Variants in CNTNAP2 observed in about 807,000 individuals in gnomAD.
The protein encoded by CNTNAP2 is contactin-associated protein-like 2.
Under a neutral mutation model 155.2 loss-of-function variants are expected in CNTNAP2, and 98 were observed. The ratio of observed to expected loss-of-function variants is 0.63; its 90% confidence interval spans 0.54 to 0.75. CNTNAP2 has a LOEUF of 0.75. Among genes scored for constraint, CNTNAP2 ranks in the 30% least tolerant of loss-of-function variants. CNTNAP2 has a pLI of 0.00. For missense variants in CNTNAP2, 1,727 were observed against 1,688.1 expected (o/e 1.02, Z -0.40); for synonymous variants, 651 against 631.2 (o/e 1.03, Z -0.47).
intron 1 of CNTNAP2, among the ~76,000 whole-genome samples, chr7:146,663,371 AT>A (rs971306474): frequency 2.7e-4 from 40 of 147,788 alleles, no homozygotes; most frequent in South Asian, 1.1e-3. Flanking sequence ...TCACTTTCTC[AT>A]TTTTTTTTTA....
chr7:146,554,225 T>C (rs1798163383), intron 1 of CNTNAP2, among the ~76,000 whole-genome samples: 1 of 152,178 alleles, frequency 6.6e-6, no homozygotes, highest in Admixed American at 6.5e-5. Flanking sequence ...TGCTTTAACT[T>C]GAACTAGTGA....
At chr7:146,249,304 T>A (rs1365082150) in intron 1 of CNTNAP2, among the ~76,000 whole-genome samples, 1 of 152,206 alleles carries the variant, frequency 6.6e-6, no homozygotes, top group African/African-American at 2.4e-5. Context: ...TCTAGAAATC[T>A]TCATGTTATC....
chr7:146,674,816 G>C (rs919041391), intron 1 of CNTNAP2, among the ~76,000 whole-genome samples: 3 of 152,088 alleles, frequency 2.0e-5, no homozygotes, highest in Admixed American at 6.5e-5. Context: ...AGTAAATAAG[G>C]GCTATTTAGT....
At chr7:147,718,040 T>G (rs145357003) in intron 13 of CNTNAP2, among the ~76,000 whole-genome samples, 2,490 of 152,158 alleles carry the variant, frequency 0.016, 223 homozygotes, top group Admixed American at 0.15. Flanking sequence ...CTCCTTGAAA[T>G]CAAGGATAAA....
chr7:147,675,202 C>T (rs1400498512), intron 13 of CNTNAP2, among the ~76,000 whole-genome samples: 1 of 152,072 alleles, frequency 6.6e-6, no homozygotes, highest in East Asian at 1.9e-4. Context: ...TCCGTCTTCA[C>T]AAGGCCTTCC....
intron 2 of CNTNAP2, among the ~76,000 whole-genome samples, chr7:146,835,694 C>T (rs1026738579): frequency 2.0e-5 from 3 of 152,102 alleles, no homozygotes; most frequent in African/African-American, 7.2e-5. Context: ...AGAGGTACTG[C>T]AGACTAGAAT....
chr7:148,079,003 G>A (rs1803547910), intron 15 of CNTNAP2, among the ~76,000 whole-genome samples: 1 of 152,160 alleles, frequency 6.6e-6, no homozygotes, highest in Admixed American at 6.5e-5. Flanking sequence ...ATTGAATGGT[G>A]GTGTCTACAT....
intron 8 of CNTNAP2, among the ~76,000 whole-genome samples, chr7:147,154,604 A>G (rs933012838): frequency 6.6e-6 from 1 of 152,148 alleles, no homozygotes; most frequent in Non-Finnish European, 1.5e-5. Context: ...AGTCTGTCCT[A>G]TTTCTCAGGA....
At chr7:146,649,537 C>T (rs1799870347) in intron 1 of CNTNAP2, among the ~76,000 whole-genome samples, 1 of 152,062 alleles carries the variant, frequency 6.6e-6, no homozygotes, top group Non-Finnish European at 1.5e-5. Context: ...TGTGATTTTT[C>T]CCCTCAGTGG....
intron 6 of CNTNAP2, chr7:147,121,710 T>C (rs1182716048): frequency 6.6e-6 from 1 of 152,604 alleles, no homozygotes; most frequent in Non-Finnish European, 1.5e-5. Context: ...AAAAGACATA[T>C]ATTACCTTCT....
At chr7:148,240,212 G>C (rs977206252) in intron 20 of CNTNAP2, among the ~76,000 whole-genome samples, 15 of 152,128 alleles carry the variant, frequency 9.9e-5, no homozygotes, top group African/African-American at 3.6e-4. Flanking sequence ...TGATGAGTTG[G>C]TGGAACAGTA....
intron 1 of CNTNAP2, among the ~76,000 whole-genome samples, chr7:146,403,092 G>A (rs1238285785): frequency 6.6e-6 from 1 of 152,072 alleles, no homozygotes; most frequent in African/African-American, 2.4e-5. Context: ...ACTCAAACTT[G>A]TCATATTCAC....
At chr7:147,613,087 C>A in intron 12 of CNTNAP2, among the ~76,000 whole-genome samples, 1 of 151,848 alleles carries the variant, frequency 6.6e-6, no homozygotes, top group East Asian at 1.9e-4. Context: ...CTTTTTATTC[C>A]AAATTATTTT....
chr7:147,400,738 C>G (rs1356473523), intron 10 of CNTNAP2, among the ~76,000 whole-genome samples: 5 of 152,212 alleles, frequency 3.3e-5, no homozygotes, highest in Admixed American at 2.0e-4. Flanking sequence ...ACAGTTGCCC[C>G]TCTTGCTCTC....
chr7:146,243,853 C>T (rs536757539), intron 1 of CNTNAP2, among the ~76,000 whole-genome samples: 13 of 152,106 alleles, frequency 8.5e-5, no homozygotes, highest in Admixed American at 7.9e-4. Context: ...AAAAATAAAA[C>T]GAAATAGTGC....
At chr7:148,075,314 G>C (rs560439438) in intron 15 of CNTNAP2, among the ~76,000 whole-genome samples, 13 of 152,230 alleles carry the variant, frequency 8.5e-5, no homozygotes, top group African/African-American at 2.9e-4. Flanking sequence ...GCAGGCACTG[G>C]TAATCCCAGC....
chr7:147,939,800 TCTCA>T (rs993469135), intron 14 of CNTNAP2, among the ~76,000 whole-genome samples: 8 of 151,876 alleles, frequency 5.3e-5, no homozygotes, highest in African/African-American at 1.9e-4. Context: ...TCTCTCTCTC[TCTCA>T]CACACACACC....
intron 15 of CNTNAP2, among the ~76,000 whole-genome samples, chr7:147,989,304 C>T (rs145878107): frequency 2.0e-5 from 3 of 152,278 alleles, no homozygotes; most frequent in East Asian, 1.9e-4. Flanking sequence ...CCAACTTTCT[C>T]CCTCACTAAC....
chr7:147,402,605 C>G (rs1584927563), intron 10 of CNTNAP2, among the ~76,000 whole-genome samples: 2 of 152,324 alleles, frequency 1.3e-5, no homozygotes, highest in East Asian at 3.9e-4. Flanking sequence ...TTCGTCTGAT[C>G]TACCAGCCAT....
Sources: gnomAD v4.1 joint callset for allele counts (sites outside exome capture counted in the v4.1 genomes callset) on GRCh38, gnomAD v4.1.1 for gene constraint, MANE v1.5 for transcripts, NCBI Gene and HGNC (gene_info 2026-07-23, HGNC 2026-07-21) for gene names.